SPC25: variants seen among roughly 807,000 people sequenced by gnomAD.
SPC25 encodes the protein SPC25 component of NDC80 kinetochore complex.
In SPC25, 22 loss-of-function variants were observed where a neutral mutation model predicts 29.6. That is an observed-to-expected ratio of 0.74 (90% CI 0.53 to 1.06). SPC25 has a LOEUF of 1.06. SPC25 is among the 50% of genes least tolerant of loss of function. The pLI is 0.00. For synonymous variants in SPC25, 91 were observed against 90.4 expected, an observed-to-expected ratio of 1.01 and a Z score of -0.04; for missense variants, 230 against 255.8, an observed-to-expected ratio of 0.90 and a Z score of 0.69.
rs1216799452 is a variant in SPC25, at chr2:168,890,343, C to G, written c.-40G>C. The G allele has an allele frequency of 2.0e-6, 2 of 985,602 alleles. No individual in the cohort carries two copies. 61.1% of individuals were successfully genotyped at this position (985,602 alleles called of 1,614,324 possible). On this transcript the variant is annotated 5_prime_UTR_variant, in exon 1 of 7. Coordinates refer to ENST00000282074, the MANE Select transcript of SPC25 (RefSeq NM_020675.4). The stretch of plus-strand genomic sequence containing the variant: ...CTTCGCAGGCAGGCCTGAGTCCCGC[C>G]GCCTTCCCCACACCAGATCCGCGCC...
chr2:168,865,149 G>A (rs1689786698), intron 4 of SPC25: 5 of 672,362 alleles, frequency 7.4e-6, no homozygotes, highest in Non-Finnish European at 9.7e-6. Context: ...AAAAAAGATG[G>A]ATGGGTGGAG....
intron 3 of SPC25, among the ~76,000 whole-genome samples, chr2:168,878,661 T>C (rs1182349496): frequency 1.3e-5 from 2 of 152,162 alleles, no homozygotes; most frequent in East Asian, 1.9e-4. Context: ...TGAAAACCTA[T>C]CAGAATTTGT....
rs755829709 is a variant in SPC25, at chr2:168,873,581, A to G, written c.550+4T>C. On this transcript the variant is annotated splice_donor_region_variant and intron_variant, in intron 6 of 6. Transcript: ENST00000282074. ...AATACCAGTTAGGAGATATTAGTAC[A>G]TACCTTCATAGTCCCTTGCTTCATT... 1 of 1,596,554 alleles carries G rather than the reference A, an allele frequency of 6.3e-7. No homozygotes were observed. The highest frequency in any genetic ancestry group is 1.1e-5 in the South Asian group (1 of 90,658).
chr2:168,875,715 G>C (rs1041683729), intron 5 of SPC25, among the ~76,000 whole-genome samples: 2 of 151,960 alleles, frequency 1.3e-5, no homozygotes, highest in African/African-American at 4.8e-5. Context: ...ATAGGTAAAT[G>C]GTTGAATAAA....
intron 3 of SPC25, among the ~76,000 whole-genome samples, chr2:168,886,720 C>T (rs1021168094): frequency 4.2e-4 from 64 of 151,522 alleles, no homozygotes; most frequent in Middle Eastern, 3.5e-3. Flanking sequence ...AAGGTTTCAC[C>T]GTGTTAGCCA....
intron 3 of SPC25, among the ~76,000 whole-genome samples, chr2:168,886,489 G>T (rs1280999338): frequency 1.3e-5 from 2 of 151,646 alleles, no homozygotes; most frequent in Admixed American, 6.6e-5. Flanking sequence ...TTAAACTTGA[G>T]TAAACTGTAT....
chr2:168,873,165 G>C lies in SPC25; in HGVS notation c.550+420C>G, dbSNP rs193223545. On this transcript the variant is annotated intron_variant, in intron 6 of 6. Coordinates refer to ENST00000282074, the MANE Select transcript of SPC25 (RefSeq NM_020675.4). ...ATTCGTATTTCAAAAATTATTTTTG[G>C]GAAAATAAATTGTTAAATTCTGGTG... is the stretch of plus-strand genomic sequence containing the variant. 3.3e-5 allele frequency among the ~76,000 whole-genome samples: 5 copies of C among 152,066 alleles called. No homozygotes were observed. In the East Asian group the frequency reaches 7.7e-4, roughly 23 times the overall value.
At chr2:168,873,327 T>A (rs1338035890) in intron 6 of SPC25, among the ~76,000 whole-genome samples, 1 of 152,218 alleles carries the variant, frequency 6.6e-6, no homozygotes, top group African/African-American at 2.4e-5. Context: ...AATGCAATGA[T>A]CTTTGTTTTT....
At chr2:168,872,829 C>G (rs1690018408) in intron 6 of SPC25, among the ~76,000 whole-genome samples, 1 of 152,032 alleles carries the variant, frequency 6.6e-6, no homozygotes, top group African/African-American at 2.4e-5. Flanking sequence ...ATAAATTCCC[C>G]AGAAATAGGA....
In SPC25 at chr2:168,886,721, G is replaced by A. The variant is rs966022985; in HGVS notation, c.199+2505C>T. On this transcript the variant is annotated intron_variant, in intron 3 of 6. Transcript: ENST00000282074. Reference sequence around the variant, plus strand: ...TTTTTAGTAGAGACAAGGTTTCACCGTGTTAGCCAGGATGGTCTTGATCTC... The same window carrying A: ...TTTTTAGTAGAGACAAGGTTTCACCATGTTAGCCAGGATGGTCTTGATCTC... Among the ~76,000 whole-genome samples the A allele has an allele frequency of 1.7e-4, 26 of 151,356 alleles. No homozygotes were observed. In the East Asian group the frequency reaches 3.4e-3, roughly 20 times the overall value.
Position 168,871,449 on chromosome 2 carries a change from A to T in SPC25, c.657T>A (p.Thr219=). Residue 219 remains threonine, a synonymous_variant, in exon 7 of 7, where the codon ACT becomes ACA. Transcript: ENST00000282074. ...AFLANVRKAF[T]ATVYN ...TTGTATGTTAATTATAAACCGTGGCAGTAAAAGCTTTCCGAACATTGGCAA... is the reference window on the plus strand; with the variant it reads ...TTGTATGTTAATTATAAACCGTGGCTGTAAAAGCTTTCCGAACATTGGCAA... 1 of 1,608,188 alleles carries T rather than the reference A, an allele frequency of 6.2e-7. No individual in the cohort carries two copies. Among genetic ancestry groups the T allele is most frequent in the Non-Finnish European group, 8.5e-7 (1 of 1,177,902 alleles).
intron 4 of SPC25, among the ~76,000 whole-genome samples, chr2:168,865,807 G>A (rs1307083233): frequency 6.6e-6 from 1 of 152,082 alleles, no homozygotes; most frequent in African/African-American, 2.4e-5. Flanking sequence ...AACATCACAA[G>A]CATTCTTATA....
intron 3 of SPC25, among the ~76,000 whole-genome samples, chr2:168,885,317 G>T (rs1167983217): frequency 6.6e-6 from 1 of 152,060 alleles, no homozygotes; most frequent in East Asian, 1.9e-4. Context: ...TAACTCTTCA[G>T]ACCTGTCACT....
chr2:168,875,121 A>G (rs567670273), intron 5 of SPC25, among the ~76,000 whole-genome samples: 2 of 152,296 alleles, frequency 1.3e-5, no homozygotes, highest in African/African-American at 2.4e-5. Context: ...AACCATGCAA[A>G]GAAAATGGGA....
At chr2:168,876,266 TA>T in intron 4 of SPC25, 90 bp from the exon 5 acceptor site, 1 of 898,446 alleles carries the variant, frequency 1.1e-6, no homozygotes, top group East Asian at 3.2e-5. Context: ...AAATCAACTA[TA>T]AAATGATGCC....
At position 168,873,334 on chromosome 2, in the gene SPC25, T is replaced by G. The variant is rs552855581; in HGVS notation, c.550+251A>C. On this transcript the variant is annotated intron_variant, in intron 6 of 6. Coordinates refer to ENST00000282074, the MANE Select transcript of SPC25 (RefSeq NM_020675.4). ...TGCACATAAATGCAATGATCTTTGT[T>G]TTTAGATTGTTCAGACACTGTGGCA... 3.7e-3 allele frequency among the ~76,000 whole-genome samples: 569 copies of G among 152,314 alleles called. 1 individual carries two copies. The highest frequency in any genetic ancestry group is 6.8e-3 in the Middle Eastern group (2 of 294).
At chr2:168,890,282 G>A (rs1486914808) in intron 1 of SPC25, 36 bp downstream of exon 1, 3 of 953,064 alleles carry the variant, frequency 3.1e-6, no homozygotes, top group Admixed American at 1.2e-4. Context: ...GCGACAGGGG[G>A]GCCAAGGAGC....
At chr2:168,876,029 A>G (rs1313045944) in intron 5 of SPC25, 43 bp downstream of exon 5, 4 of 1,119,060 alleles carry the variant, frequency 3.6e-6, no homozygotes. Context: ...GAAAAGACAT[A>G]CTTTTGTAAT....
At chr2:168,870,194 A>G (rs1422285082), downstream of SPC25, among the ~76,000 whole-genome samples, 8 of 151,620 alleles carry the variant, frequency 5.3e-5, no homozygotes, top group East Asian at 1.5e-3. Flanking sequence ...TACACCTTAT[A>G]CAAAAATTAA....
Sources: gnomAD v4.1 joint callset for allele counts (sites outside exome capture counted in the v4.1 genomes callset) on GRCh38, gnomAD v4.1.1 for gene constraint, MANE v1.5 for transcripts, NCBI Gene and HGNC (gene_info 2026-07-23, HGNC 2026-07-21) for gene names.